TTC39B: variants seen among roughly 807,000 people sequenced by gnomAD.
TTC39B encodes the protein tetratricopeptide repeat protein 39B.
Under a neutral mutation model 96.6 loss-of-function variants are expected in TTC39B, and 92 were observed. That is an observed-to-expected ratio of 0.95 (90% CI 0.80 to 1.13). The LOEUF (loss-of-function observed/expected upper bound fraction) is 1.13. TTC39B is among the 50% of genes most tolerant of loss of function. TTC39B has a pLI of 0.00. For missense variants in TTC39B, 955 were observed against 809.3 expected, an observed-to-expected ratio of 1.18 and a Z score of -2.18; for synonymous variants, 367 against 299.4, an observed-to-expected ratio of 1.23 and a Z score of -2.33.
chr9:15,227,254 G>C (rs1821173616), intron 2 of TTC39B, among the ~76,000 whole-genome samples: 1 of 151,074 alleles, frequency 6.6e-6, no homozygotes, highest in African/African-American at 2.4e-5. Context: ...GTTGCGGTGA[G>C]CCAAGATCGC....
At chr9:15,189,244 T>C (rs78591874) in intron 13 of TTC39B, among the ~76,000 whole-genome samples, 1,733 of 152,278 alleles carry the variant, frequency 0.011, 22 homozygotes, top group Middle Eastern at 0.034. Flanking sequence ...AGGGGCTAGA[T>C]TCCAAAGTCA....
intron 8 of TTC39B, among the ~76,000 whole-genome samples, chr9:15,193,914 C>A (rs912374754): frequency 6.6e-6 from 1 of 152,016 alleles, no homozygotes; most frequent in African/African-American, 2.4e-5. Context: ...GGAACTATTC[C>A]GAATGAAAAG....
At chr9:15,237,591 G>T (rs2131457256) in intron 2 of TTC39B, among the ~76,000 whole-genome samples, 1 of 145,620 alleles carries the variant, frequency 6.9e-6, no homozygotes, top group Non-Finnish European at 1.5e-5. Context: ...GAAAGAAAAA[G>T]AAATCCCAAG....
intron 7 of TTC39B, among the ~76,000 whole-genome samples, chr9:15,203,233 G>A (rs1450518331): frequency 1.3e-5 from 2 of 152,102 alleles, no homozygotes; most frequent in African/African-American, 4.8e-5. Flanking sequence ...TGTGACGGTT[G>A]CAAAGCAGTT....
intron 2 of TTC39B, among the ~76,000 whole-genome samples, chr9:15,229,057 TA>T (rs1821284474): frequency 6.6e-6 from 1 of 152,242 alleles, no homozygotes. Flanking sequence ...AGGATTTTTT[TA>T]GATATAGACA....
intron 1 of TTC39B, among the ~76,000 whole-genome samples, chr9:15,269,958 C>G (rs1313028360): frequency 6.6e-6 from 1 of 152,062 alleles, no homozygotes; most frequent in African/African-American, 2.4e-5. Context: ...CACCTGAGGT[C>G]AGGAGTTTGA....
chr9:15,283,409 T>C (rs556284565), intron 1 of TTC39B, among the ~76,000 whole-genome samples: 12 of 152,376 alleles, frequency 7.9e-5, no homozygotes, highest in Admixed American at 3.9e-4. Context: ...CCTTTATGCA[T>C]TGTCTCATGT....
At chr9:15,275,412 T>C (rs1288322098) in intron 1 of TTC39B, among the ~76,000 whole-genome samples, 3 of 152,220 alleles carry the variant, frequency 2.0e-5, no homozygotes, top group African/African-American at 7.2e-5. Flanking sequence ...CTATGTTTTT[T>C]AAAGCTTCAT....
At chr9:15,224,086 T>G (rs1820992320) in intron 3 of TTC39B, among the ~76,000 whole-genome samples, 1 of 152,192 alleles carries the variant, frequency 6.6e-6, no homozygotes, top group African/African-American at 2.4e-5. Context: ...CTTTCTCTCC[T>G]AACACACCCT....
chr9:15,174,025 T>C (rs1407757184), intron 19 of TTC39B, among the ~76,000 whole-genome samples: 1 of 152,202 alleles, frequency 6.6e-6, no homozygotes, highest in East Asian at 1.9e-4. Context: ...TGATTTCTGA[T>C]GACTGATCTC....
At chr9:15,237,861 T>C (rs1821857907) in intron 2 of TTC39B, among the ~76,000 whole-genome samples, 1 of 152,138 alleles carries the variant, frequency 6.6e-6, no homozygotes, top group Admixed American at 6.5e-5. Flanking sequence ...CCAATATCCC[T>C]GAGGAACACA....
chr9:15,307,208 G>A (rs750562568), exon 1 of TTC39B: 13 of 1,561,962 alleles, frequency 8.3e-6, no homozygotes, highest in South Asian at 3.5e-5. Context: ...GCTCAGCCCA[G>A]CGCAAAGGAG....
At chr9:15,173,566 G>A (rs748056730) in intron 19 of TTC39B, among the ~76,000 whole-genome samples, 1 of 152,024 alleles carries the variant, frequency 6.6e-6, no homozygotes, top group Non-Finnish European at 1.5e-5. Context: ...ACACTATTTG[G>A]TTGGCTTTCC....
At chr9:15,235,254 C>A (rs1821724232) in intron 2 of TTC39B, among the ~76,000 whole-genome samples, 1 of 151,782 alleles carries the variant, frequency 6.6e-6, no homozygotes, top group South Asian at 2.1e-4. Flanking sequence ...TTAACCCAAA[C>A]AAAAATAAAG....
At chr9:15,277,811 G>C (rs912712590) in intron 1 of TTC39B, among the ~76,000 whole-genome samples, 1 of 152,208 alleles carries the variant, frequency 6.6e-6, no homozygotes, top group Admixed American at 6.5e-5. Context: ...TCAGAGAAGG[G>C]CTGCGTCCAA....
intron 2 of TTC39B, among the ~76,000 whole-genome samples, chr9:15,232,651 G>A (rs1234784979): frequency 2.0e-5 from 3 of 152,172 alleles, no homozygotes; most frequent in Non-Finnish European, 4.4e-5. Flanking sequence ...AAGAAATGAG[G>A]GAAGAGACTA....
At chr9:15,211,362 C>G (rs1449185060) in exon 5 of TTC39B, 1 of 1,594,334 alleles carries the variant, frequency 6.3e-7, no homozygotes, top group Non-Finnish European at 8.5e-7. Context: ...CACAATGGTA[C>G]TGTAGCCCAA....
chr9:15,290,083 T>C (rs1282463822), intron 1 of TTC39B, among the ~76,000 whole-genome samples: 1 of 152,234 alleles, frequency 6.6e-6, no homozygotes, highest in Non-Finnish European at 1.5e-5. Context: ...TGGGAAACTT[T>C]ACTTTCTCCT....
chr9:15,214,789 G>C (rs1332820972), intron 3 of TTC39B, among the ~76,000 whole-genome samples: 3 of 151,784 alleles, frequency 2.0e-5, no homozygotes, highest in Non-Finnish European at 4.4e-5. Context: ...GTTCATTTTT[G>C]TATCTATATG....
Sources: allele counts gnomAD v4.1 joint callset (sites outside exome capture counted in the v4.1 genomes callset), GRCh38; gene constraint gnomAD v4.1.1; transcripts MANE v1.5; gene names NCBI Gene and HGNC (gene_info 2026-07-23, HGNC 2026-07-21).